The following MYT1L variants were observed in gnomAD, a reference collection of about 807,000 sequenced individuals.
MYT1L encodes myelin transcription factor 1-like protein.
Under a neutral mutation model 126.7 loss-of-function variants are expected in MYT1L, and 12 were observed. The observed-to-expected ratio is 0.09, with a 90% CI of 0.06 to 0.15. MYT1L has a LOEUF of 0.15. Ranked by LOEUF, MYT1L falls within the 10% of genes least tolerant of loss-of-function variation. The pLI is 1.00. For missense variants in MYT1L, 979 were observed against 1,585.2 expected (o/e 0.62, Z 6.49); for synonymous variants, 541 against 604.2 (o/e 0.90, Z 1.53).
At chr2:1,814,716 G>A (rs1007078569) in intron 21 of MYT1L, among the ~76,000 whole-genome samples, 2 of 152,184 alleles carry the variant, frequency 1.3e-5, no homozygotes, top group African/African-American at 4.8e-5. Flanking sequence ...GTTCTTTAGG[G>A]CAGGTCTCAC....
chr2:2,108,152 C>T (rs1437306891), intron 3 of MYT1L, among the ~76,000 whole-genome samples: 5 of 152,136 alleles, frequency 3.3e-5, no homozygotes, highest in East Asian at 1.9e-4. Context: ...GTGCTGTGAA[C>T]GCCTCACCTG....
intron 18 of MYT1L, among the ~76,000 whole-genome samples, chr2:1,856,241 C>T (rs1051714502): frequency 1.3e-5 from 2 of 152,122 alleles, no homozygotes; most frequent in African/African-American, 2.4e-5. Flanking sequence ...TCTGAGGAAC[C>T]CTTGGACTTG....
At chr2:2,287,196 C>T (rs989612962) in intron 1 of MYT1L, among the ~76,000 whole-genome samples, 3 of 151,942 alleles carry the variant, frequency 2.0e-5, no homozygotes, top group East Asian at 1.9e-4. Context: ...GCAGAGGTTG[C>T]GTGAGCAGAG....
intron 3 of MYT1L, among the ~76,000 whole-genome samples, chr2:2,055,949 A>C (rs1439799175): frequency 1.3e-5 from 2 of 152,232 alleles, no homozygotes; most frequent in Admixed American, 6.5e-5. Flanking sequence ...ACAAGGAGGA[A>C]GACCTGGAGA....
chr2:2,312,410 A>C (rs371306891), intron 1 of MYT1L, among the ~76,000 whole-genome samples: 1 of 152,256 alleles, frequency 6.6e-6, no homozygotes, highest in East Asian at 1.9e-4. Context: ...CAGGAGTTCA[A>C]GACCAGCCTG....
intron 2 of MYT1L, among the ~76,000 whole-genome samples, chr2:2,191,830 C>A (rs555312053): frequency 6.6e-6 from 1 of 152,296 alleles, no homozygotes; most frequent in South Asian, 2.1e-4. Context: ...GAGGAAGAAT[C>A]TTCAGGACAT....
At chr2:1,812,225 A>G (rs1015156042) in intron 21 of MYT1L, among the ~76,000 whole-genome samples, 1 of 152,218 alleles carries the variant, frequency 6.6e-6, no homozygotes, top group Non-Finnish European at 1.5e-5. Context: ...TCTAACGCAC[A>G]TAAGACGTGG....
intron 23 of MYT1L, among the ~76,000 whole-genome samples, chr2:1,795,897 T>C (rs1281161317): frequency 1.3e-5 from 2 of 152,204 alleles, no homozygotes; most frequent in Admixed American, 1.3e-4. Context: ...ACACCCTCTG[T>C]CTTTCCAGAC....
chr2:2,151,908 T>A (rs2085859629), intron 3 of MYT1L, among the ~76,000 whole-genome samples: 1 of 151,862 alleles, frequency 6.6e-6, no homozygotes, highest in Non-Finnish European at 1.5e-5. Context: ...CGCAAAAAAT[T>A]AGCCAGGTGT....
chr2:1,979,783 G>A lies in MYT1L; in HGVS notation c.1-6C>T. 1 of 1,613,830 alleles carries A rather than the reference G, an allele frequency of 6.2e-7. No homozygotes were observed. The highest frequency in any genetic ancestry group is 8.5e-7 in the Non-Finnish European group (1 of 1,179,874). On this transcript the variant is annotated splice_polypyrimidine_tract_variant and splice_region_variant and intron_variant, in intron 5 of 24. Coordinates refer to ENST00000647738, the MANE Select transcript of MYT1L (RefSeq NM_001303052.2). This position sits in a 1 kb window ranked among gnomAD's most constrained non-coding sequence, Gnocchi z 4.0. ...TCCTCGGTGTCCACCTCCATCTGGG[G>A]ATAGATTAGCAGCCATCAATGTGCT...
At chr2:2,277,042 C>A (rs544289713) in intron 2 of MYT1L, among the ~76,000 whole-genome samples, 6 of 151,838 alleles carry the variant, frequency 4.0e-5, no homozygotes, top group Non-Finnish European at 5.9e-5. Flanking sequence ...AGTGCAGTGG[C>A]GCAATCTTAG....
intron 3 of MYT1L, among the ~76,000 whole-genome samples, chr2:2,170,759 TA>T (rs200653959): frequency 0.013 from 1,987 of 152,240 alleles, 19 homozygotes; most frequent in African/African-American, 0.027. Flanking sequence ...CACTAATCTT[TA>T]AAAAATGAGA....
At chr2:2,254,933 A>G (rs917674152) in intron 2 of MYT1L, among the ~76,000 whole-genome samples, 5 of 152,190 alleles carry the variant, frequency 3.3e-5, no homozygotes, top group Non-Finnish European at 7.3e-5. Context: ...CTCGACTTCT[A>G]TAATATACAT....
At chr2:2,298,395 T>C (rs2095730666) in intron 1 of MYT1L, among the ~76,000 whole-genome samples, 1 of 152,220 alleles carries the variant, frequency 6.6e-6, no homozygotes, top group African/African-American at 2.4e-5. Context: ...TCTTCTGGTG[T>C]GGATCTGTCA....
chr2:1,937,410 C>G (rs1436204461), intron 9 of MYT1L, among the ~76,000 whole-genome samples: 2 of 151,892 alleles, frequency 1.3e-5, no homozygotes, highest in Admixed American at 1.3e-4. Context: ...CGAGAAAGCC[C>G]TAACGTCTGC....
intron 4 of MYT1L, among the ~76,000 whole-genome samples, chr2:2,049,972 T>C (rs1179691414): frequency 2.0e-5 from 3 of 151,956 alleles, no homozygotes; most frequent in African/African-American, 7.3e-5. Flanking sequence ...TATATATATA[T>C]ATAAATATGT....
chr2:1,834,203 A>AG (rs2040534174), intron 21 of MYT1L, among the ~76,000 whole-genome samples: 5 of 152,222 alleles, frequency 3.3e-5, no homozygotes, highest in Admixed American at 3.3e-4. Flanking sequence ...TGGGATGCAC[A>AG]GGGGCCCTCC....
intron 5 of MYT1L, among the ~76,000 whole-genome samples, chr2:1,989,319 C>T (rs2061299592): frequency 6.6e-6 from 1 of 152,128 alleles, no homozygotes; most frequent in African/African-American, 2.4e-5. Flanking sequence ...AGCTGCAGTC[C>T]TGAAGCCTGG....
chr2:1,996,062 A>G (rs2061807833), intron 5 of MYT1L, among the ~76,000 whole-genome samples: 1 of 152,228 alleles, frequency 6.6e-6, no homozygotes, highest in African/African-American at 2.4e-5. Context: ...GGAAGAGGGA[A>G]GGGCCGGAGA....
Sources: gnomAD v4.1 joint callset for allele counts (sites outside exome capture counted in the v4.1 genomes callset) on GRCh38, gnomAD v4.1.1 for gene constraint, Gnocchi (gnomAD v3.1) non-coding constraint, MANE v1.5 for transcripts, NCBI Gene and HGNC (gene_info 2026-07-23, HGNC 2026-07-21) for gene names.